CYSLTR2: variants seen among roughly 807,000 people sequenced by gnomAD.
The protein encoded by CYSLTR2 is cysteinyl leukotriene receptor 2.
For synonymous variants in CYSLTR2, 179 were observed against 160.8 expected (o/e 1.11, Z -0.86); for missense variants, 398 against 411.9 (o/e 0.97, Z 0.29).
Position 48,711,214 on chromosome 13 carries a change from T to G in CYSLTR2, c.*3356T>G, listed in dbSNP as rs528362837. 1.3e-5 allele frequency: 2 copies of G among 152,150 alleles called. No individual in the cohort carries two copies. The highest frequency in any genetic ancestry group is 3.8e-4 in the East Asian group (2 of 5,200). The allele number at this position is 152,150 out of a possible 1,614,324, so 9.4% of individuals were successfully genotyped here. On this transcript the variant is annotated 3_prime_UTR_variant, in exon 5 of 5. Transcript: ENST00000682523. ...AATAAAAATTAAGTTAAAATTAAAT[T>G]TTAAAATTCAAACTAATTCTGAGTT... is the stretch of plus-strand genomic sequence containing the variant.
chr13:48,670,656 T>C (rs1953401309), intron 1 of CYSLTR2, among the ~76,000 whole-genome samples: 1 of 152,216 alleles, frequency 6.6e-6, no homozygotes, highest in Non-Finnish European at 1.5e-5. Context: ...TTGGTACCCA[T>C]ACCATGCTGT....
At chr13:48,704,033 C>T (rs561674036) in intron 4 of CYSLTR2, among the ~76,000 whole-genome samples, 1 of 152,312 alleles carries the variant, frequency 6.6e-6, no homozygotes, top group African/African-American at 2.4e-5. Flanking sequence ...AGCATTTTCT[C>T]ATTATCCTTT....
intron 4 of CYSLTR2, among the ~76,000 whole-genome samples, chr13:48,698,728 A>C (rs1954261092): frequency 6.6e-6 from 1 of 152,224 alleles, no homozygotes; most frequent in African/African-American, 2.4e-5. Flanking sequence ...CAGACTGGCA[A>C]ATCAGATAAA....
intron 1 of CYSLTR2, among the ~76,000 whole-genome samples, chr13:48,688,504 G>T (rs753063918): frequency 6.6e-6 from 1 of 152,142 alleles, no homozygotes; most frequent in Non-Finnish European, 1.5e-5. Flanking sequence ...GAGAAGATGT[G>T]GTGTTTGCTT....
chr13:48,672,068 C>G (rs1198660067), intron 1 of CYSLTR2, among the ~76,000 whole-genome samples: 3 of 152,104 alleles, frequency 2.0e-5, no homozygotes, highest in Non-Finnish European at 4.4e-5. Flanking sequence ...AGTTTATTTG[C>G]ATAGAGGTGT....
chr13:48,673,521 C>T (rs1333947883), intron 1 of CYSLTR2, among the ~76,000 whole-genome samples: 1 of 128,124 alleles, frequency 7.8e-6, no homozygotes, highest in Admixed American at 9.8e-5. Context: ...TGTGTCTTTG[C>T]ATATGGGACT....
rs1954607815 is a variant in CYSLTR2 at position 48,710,457 on chromosome 13, C to T, written c.*2599C>T. On this transcript the variant is annotated 3_prime_UTR_variant, in exon 5 of 5. Coordinates refer to ENST00000682523, the MANE Select transcript of CYSLTR2 (RefSeq NM_001308476.3). ...GTTAAAGTCACTCTTATTTTACTTA[C>T]TAATGTCCCCAAAGCATAAGAGTAG... is the stretch of plus-strand genomic sequence containing the variant. The T allele has an allele frequency of 6.6e-6, 1 of 152,164 alleles. No individual in the cohort carries two copies. Among genetic ancestry groups the T allele is most frequent in the South Asian group, 2.1e-4 (1 of 4,826 alleles). The allele number at this position is 152,164 out of a possible 1,614,324, so 9.4% of individuals were successfully genotyped here. A position where few individuals can be genotyped will look rare whatever the true frequency, so the allele number is the denominator to read the frequency against.
At chr13:48,686,067 A>T (rs1260586555) in intron 1 of CYSLTR2, among the ~76,000 whole-genome samples, 1 of 152,214 alleles carries the variant, frequency 6.6e-6, no homozygotes, top group Non-Finnish European at 1.5e-5. Context: ...TACTGTGGGA[A>T]GTGCTAACTT....
Position 48,697,994 on chromosome 13 carries a change from G to A in CYSLTR2, c.-2+1368G>A, listed in dbSNP as rs535886705. Among the ~76,000 whole-genome samples, 27 of 152,254 alleles carry A rather than the reference G, an allele frequency of 1.8e-4. No individual in the cohort carries two copies. In the South Asian group the frequency reaches 5.4e-3, roughly 30 times the overall value. ...AAAAAAGTAAAAAGAAATGAAAAAAGCCTCCAAGAAATATGGGAGGACTAT... is the reference window on the plus strand; with the variant it reads ...AAAAAAGTAAAAAGAAATGAAAAAAACCTCCAAGAAATATGGGAGGACTAT... On this transcript the variant is annotated intron_variant, in intron 4 of 4. Transcript: ENST00000682523.
At chr13:48,688,628 G>T (rs994979686) in intron 1 of CYSLTR2, among the ~76,000 whole-genome samples, 27 of 152,170 alleles carry the variant, frequency 1.8e-4, no homozygotes, top group Admixed American at 5.2e-4. Flanking sequence ...TGGCGTATAT[G>T]TGCCACATTT....
At chr13:48,687,331 T>TCATCTATC (rs755456444) in intron 1 of CYSLTR2, among the ~76,000 whole-genome samples, 16 of 150,396 alleles carry the variant, frequency 1.1e-4, no homozygotes, top group Non-Finnish European at 1.9e-4. Flanking sequence ...AAATCTCCTC[T>TCATCTATC]CATCTATCTA....
intron 4 of CYSLTR2, among the ~76,000 whole-genome samples, chr13:48,696,880 A>G (rs1273703264): frequency 2.0e-5 from 3 of 151,840 alleles, no homozygotes; most frequent in Non-Finnish European, 4.4e-5. Flanking sequence ...CCCGGCTCGG[A>G]GGGTCCCACG....
intron 4 of CYSLTR2, among the ~76,000 whole-genome samples, chr13:48,698,582 G>A (rs536699102): frequency 1.3e-5 from 2 of 152,144 alleles, no homozygotes; most frequent in Non-Finnish European, 2.9e-5. Flanking sequence ...AAATTGTAAA[G>A]ACCATCAATG....
chr13:48,658,966 C>T (rs1244599021), intron 1 of CYSLTR2, among the ~76,000 whole-genome samples: 2 of 151,972 alleles, frequency 1.3e-5, no homozygotes, highest in Non-Finnish European at 2.9e-5. Context: ...TGAGAACAGC[C>T]AGAGTGGAGA....
intron 1 of CYSLTR2, among the ~76,000 whole-genome samples, chr13:48,688,442 G>A (rs1953951789): frequency 6.6e-6 from 1 of 152,192 alleles, no homozygotes; most frequent in African/African-American, 2.4e-5. Flanking sequence ...GATGTGTGAT[G>A]TTCCCCTCCC....
chr13:48,699,630 C>T (rs1954287818), intron 4 of CYSLTR2, among the ~76,000 whole-genome samples: 1 of 152,056 alleles, frequency 6.6e-6, no homozygotes, highest in South Asian at 2.1e-4. Context: ...AGAGCAAACA[C>T]ATTCAAAAGC....
Position 48,707,956 on chromosome 13 carries a change from G to A in CYSLTR2, c.*98G>A, listed in dbSNP as rs1274359020. ...TGTATTTACATCACTCCCAACAAATGTTGATTCTTAATATTTAGTTGACCA... is the reference window on the plus strand; with the variant it reads ...TGTATTTACATCACTCCCAACAAATATTGATTCTTAATATTTAGTTGACCA... On this transcript the variant is annotated 3_prime_UTR_variant, in exon 5 of 5. Transcript: ENST00000682523. The A allele has an allele frequency of 2.0e-6, 2 of 1,001,634 alleles. No individual in the cohort carries two copies. Among genetic ancestry groups the A allele is most frequent in the African/African-American group, 1.6e-5 (1 of 61,474 alleles). The allele number at this position is 1,001,634 out of a possible 1,614,324, so 62.0% of individuals were successfully genotyped here.
At chr13:48,678,253 C>T (rs1049831643) in intron 1 of CYSLTR2, among the ~76,000 whole-genome samples, 24 of 152,156 alleles carry the variant, frequency 1.6e-4, no homozygotes, top group African/African-American at 5.8e-4. Flanking sequence ...AAGTGATCTG[C>T]CCACCTCAGC....
chr13:48,665,649 T>C (rs932302786), intron 1 of CYSLTR2, among the ~76,000 whole-genome samples: 4 of 152,126 alleles, frequency 2.6e-5, no homozygotes. Context: ...TGATTTCCAT[T>C]TGCATGGAAT....
Sources: gnomAD v4.1 joint callset for allele counts (sites outside exome capture counted in the v4.1 genomes callset) on GRCh38, gnomAD v4.1.1 for gene constraint, MANE v1.5 for transcripts, NCBI Gene and HGNC (gene_info 2026-07-23, HGNC 2026-07-21) for gene names.